The following SPHKAP variants were observed in gnomAD, a reference collection of about 807,000 sequenced individuals.
SPHKAP encodes SPHK1 interactor, AKAP domain containing, also known as A-kinase anchor protein SPHKAP.
Under a neutral mutation model 137.5 loss-of-function variants are expected in SPHKAP, and 67 were observed. The ratio of observed to expected loss-of-function variants is 0.49; its 90% confidence interval spans 0.40 to 0.60. The LOEUF is 0.60. Ranked by LOEUF, SPHKAP falls within the 20% of genes least tolerant of loss-of-function variation. The pLI is 0.00. For synonymous variants in SPHKAP, 813 were observed against 785.3 expected (o/e 1.04, Z -0.59); for missense variants, 2,097 against 2,069.3 (o/e 1.01, Z -0.26).
intron 1 of SPHKAP, among the ~76,000 whole-genome samples, chr2:228,174,876 A>G (rs989469795): frequency 1.3e-5 from 2 of 152,168 alleles, no homozygotes; most frequent in Non-Finnish European, 2.9e-5. Context: ...GTAAAACTAA[A>G]TGCTAAATGG....
chr2:228,151,903 C>T (rs1365014657), intron 1 of SPHKAP, among the ~76,000 whole-genome samples: 3 of 152,030 alleles, frequency 2.0e-5, no homozygotes, highest in Admixed American at 1.3e-4. Context: ...ATGGCTTTAT[C>T]TTCATTCTAC....
intron 2 of SPHKAP, among the ~76,000 whole-genome samples, chr2:228,118,447 C>T (rs1401508504): frequency 6.6e-6 from 1 of 151,846 alleles, no homozygotes; most frequent in Non-Finnish European, 1.5e-5. Flanking sequence ...AAAAAATGTC[C>T]TTTAAAGTGG....
Position 228,016,693 on chromosome 2 carries a change from C to T in SPHKAP, c.4161G>A (p.Leu1387=), listed in dbSNP as rs2106208002. The T allele has an allele frequency of 6.2e-7, 1 of 1,614,058 alleles. No individual in the cohort carries two copies. Among genetic ancestry groups the T allele is most frequent in the Non-Finnish European group, 8.5e-7 (1 of 1,180,026 alleles). Residue 1387 remains leucine (L), a synonymous_variant, in exon 7 of 12, where the codon TTG becomes TTA. Transcript: ENST00000392056. ...TECKQPPVSS[L]SKTASLTNHS... ...GGTTTGTAAGAGAAGCAGTTTTGCT[C>T]AAAGATGACACTGGGGGCTGTTTAC...
chr2:228,084,004 C>T (rs1413936380), intron 3 of SPHKAP, among the ~76,000 whole-genome samples: 2 of 151,364 alleles, frequency 1.3e-5, no homozygotes, highest in South Asian at 2.1e-4. Context: ...ACCCAGATGA[C>T]GGGTTGATAT....
At chr2:228,087,533 G>A (rs1404508746) in intron 3 of SPHKAP, among the ~76,000 whole-genome samples, 3 of 151,934 alleles carry the variant, frequency 2.0e-5, no homozygotes, top group Admixed American at 2.0e-4. Context: ...AAAGGAAATG[G>A]TGCTTAAAGA....
In SPHKAP at chr2:228,045,586, C is replaced by T. The variant is rs891065713; in HGVS notation, c.247-18043G>A. On this transcript the variant is annotated intron_variant, in intron 3 of 11. Transcript: ENST00000392056. ...ACACACGAAGGGGAACATCACACAGCGGGGACTGTTGCGGGATTGGGGGAG... is the reference window on the plus strand; with the variant it reads ...ACACACGAAGGGGAACATCACACAGTGGGGACTGTTGCGGGATTGGGGGAG... Among the ~76,000 whole-genome samples, 49 of 151,722 alleles carry T rather than the reference C, an allele frequency of 3.2e-4. 1 individual carries two copies. Among genetic ancestry groups the T allele is most frequent in the African/African-American group, 1.0e-3 (43 of 41,332 alleles).
intron 3 of SPHKAP, 54 bp from the exon 4 acceptor site, chr2:228,027,597 T>A (rs980266448): frequency 4.0e-5 from 63 of 1,566,604 alleles, no homozygotes; most frequent in Non-Finnish European, 5.5e-5. Flanking sequence ...GACTGTCTTT[T>A]TAGAAGAAAG....
At chr2:228,128,652 C>T (rs916285551) in intron 2 of SPHKAP, among the ~76,000 whole-genome samples, 3 of 152,098 alleles carry the variant, frequency 2.0e-5, no homozygotes, top group Non-Finnish European at 4.4e-5. Flanking sequence ...TTATTAAATG[C>T]AGTTCTTAAA....
intron 3 of SPHKAP, among the ~76,000 whole-genome samples, chr2:228,074,784 G>T (rs1436258566): frequency 6.6e-6 from 1 of 151,806 alleles, no homozygotes; most frequent in East Asian, 1.9e-4. Flanking sequence ...TCCTTCCTTT[G>T]ATCTTTCTTC....
chr2:228,085,399 T>C (rs931230913), intron 3 of SPHKAP, among the ~76,000 whole-genome samples: 4 of 152,328 alleles, frequency 2.6e-5, no homozygotes, highest in East Asian at 3.9e-4. Context: ...TTCAAGGATA[T>C]AGGACTAAGC....
intron 1 of SPHKAP, among the ~76,000 whole-genome samples, chr2:228,180,184 G>A (rs1226246567): frequency 1.3e-5 from 2 of 152,172 alleles, no homozygotes; most frequent in African/African-American, 2.4e-5. Context: ...TCACTTAAGA[G>A]CTGCTTCAAG....
intron 11 of SPHKAP, among the ~76,000 whole-genome samples, chr2:227,983,706 T>C (rs567609776): frequency 6.6e-6 from 1 of 152,238 alleles, no homozygotes; most frequent in Non-Finnish European, 1.5e-5. Context: ...TTTTAGGTAA[T>C]GTATTTTCGC....
chr2:228,050,041 A>G (rs1279548015), intron 3 of SPHKAP, among the ~76,000 whole-genome samples: 1 of 152,186 alleles, frequency 6.6e-6, no homozygotes, highest in African/African-American at 2.4e-5. Flanking sequence ...ATATGAACAG[A>G]CACTTCTTAA....
chr2:227,988,825 T>C (rs1465067133), intron 11 of SPHKAP, among the ~76,000 whole-genome samples: 1 of 152,214 alleles, frequency 6.6e-6, no homozygotes, highest in African/African-American at 2.4e-5. Flanking sequence ...CACCCTTTGC[T>C]GCTGAGTTGT....
chr2:228,019,135 C>T lies in SPHKAP; in HGVS notation c.1719G>A (p.Leu573=), dbSNP rs1196541914. 2 of 1,613,920 alleles carry T rather than the reference C, an allele frequency of 1.2e-6. No individual in the cohort carries two copies. Among genetic ancestry groups the T allele is most frequent in the East Asian group, 2.2e-5 (1 of 44,874 alleles). The change falls in exon 7 of 12, where the codon CTG becomes CTA. Residue 573 remains leucine, a synonymous_variant. Coordinates refer to ENST00000392056, the MANE Select transcript of SPHKAP (RefSeq NM_001142644.2). ...AGCATGTCACCTCTTCTCTTTCACC[C>T]AGACCACAGACAGCCACGGCACTGG... ...QVASAVAVCG[L]GEREEVTCSV...
chr2:228,110,901 CAAAT>C (rs1175991148), intron 2 of SPHKAP, among the ~76,000 whole-genome samples: 3 of 151,806 alleles, frequency 2.0e-5, no homozygotes, highest in Non-Finnish European at 4.4e-5. Context: ...ATTATTTTGT[CAAAT>C]AACAAATTCT....
chr2:228,096,245 T>C (rs1339434725), intron 3 of SPHKAP, among the ~76,000 whole-genome samples: 1 of 152,178 alleles, frequency 6.6e-6, no homozygotes, highest in Non-Finnish European at 1.5e-5. Flanking sequence ...AGAGGGCAGA[T>C]GTAGAAGACT....
At chr2:228,151,893 A>G (rs961937567) in intron 1 of SPHKAP, among the ~76,000 whole-genome samples, 5 of 152,170 alleles carry the variant, frequency 3.3e-5, no homozygotes, top group East Asian at 1.9e-4. Context: ...TTCTCTTAAA[A>G]TGGCTTTATC....
chr2:228,059,535 G>A (rs1574810257), intron 3 of SPHKAP, among the ~76,000 whole-genome samples: 1 of 152,330 alleles, frequency 6.6e-6, no homozygotes, highest in South Asian at 2.1e-4. Context: ...TATACCAGGA[G>A]AGAGGGAGGG....
Sources: gnomAD v4.1 joint callset for allele counts (sites outside exome capture counted in the v4.1 genomes callset) on GRCh38, gnomAD v4.1.1 for gene constraint, MANE v1.5 for transcripts, NCBI Gene and HGNC (gene_info 2026-07-23, HGNC 2026-07-21) for gene names.